The following NLGN1 variants were observed in gnomAD, a reference collection of about 807,000 sequenced individuals.
NLGN1 encodes neuroligin-1.
NLGN1 carries 12 observed loss-of-function variants against 65.5 expected under a neutral mutation model. That is an observed-to-expected ratio of 0.18 (90% CI 0.12 to 0.30). The LOEUF is 0.30. Ranked by LOEUF, NLGN1 falls within the 10% of genes least tolerant of loss-of-function variation. The probability of loss-of-function intolerance (pLI) is 1.00; values close to 1 mark genes in which losing one functional copy is unlikely to be tolerated. For synonymous variants in NLGN1, 350 were observed against 359.5 expected (o/e 0.97, Z 0.30); for missense variants, 750 against 1,007.1 (o/e 0.74, Z 3.46).
intron 2 of NLGN1, among the ~76,000 whole-genome samples, chr3:173,588,846 T>A (rs1747952776): frequency 6.6e-6 from 1 of 152,198 alleles, no homozygotes; most frequent in Admixed American, 6.5e-5. Flanking sequence ...TTATTTAATT[T>A]TCTTCCTATA....
chr3:174,171,240 T>C (rs998588058), intron 4 of NLGN1, among the ~76,000 whole-genome samples: 2 of 152,166 alleles, frequency 1.3e-5, no homozygotes, highest in Non-Finnish European at 2.9e-5. Context: ...AGGTGTCTAA[T>C]TGGTTGTTAT....
At chr3:173,723,569 T>C (rs1272643529) in intron 3 of NLGN1, among the ~76,000 whole-genome samples, 3 of 152,176 alleles carry the variant, frequency 2.0e-5, no homozygotes, top group Non-Finnish European at 4.4e-5. Context: ...ACTGAAGTGA[T>C]GACCAAGTTT....
chr3:174,170,150 G>T (rs1038977427), intron 4 of NLGN1, among the ~76,000 whole-genome samples: 9 of 151,690 alleles, frequency 5.9e-5, no homozygotes, highest in African/African-American at 1.9e-4. Flanking sequence ...CCACAGAGTT[G>T]ATCTTTATGT....
At chr3:173,421,127 A>G (rs914374733) in intron 1 of NLGN1, among the ~76,000 whole-genome samples, 1 of 152,126 alleles carries the variant, frequency 6.6e-6, no homozygotes, top group African/African-American at 2.4e-5. Context: ...AAATAACCTC[A>G]CACTCTTGAT....
chr3:173,701,431 G>A (rs541550931), intron 3 of NLGN1, among the ~76,000 whole-genome samples: 24 of 152,196 alleles, frequency 1.6e-4, no homozygotes, highest in Non-Finnish European at 7.4e-5. Context: ...ACAAGCCAAG[G>A]CATGTAAGCA....
At chr3:173,921,386 GT>G in intron 4 of NLGN1, among the ~76,000 whole-genome samples, 1 of 149,740 alleles carries the variant, frequency 6.7e-6, no homozygotes, top group African/African-American at 2.4e-5. Flanking sequence ...TATTTTTTCT[GT>G]GTTCAAGTTC....
intron 4 of NLGN1, among the ~76,000 whole-genome samples, chr3:173,848,664 T>G (rs1418133885): frequency 6.6e-6 from 1 of 152,212 alleles, no homozygotes; most frequent in Non-Finnish European, 1.5e-5. Flanking sequence ...ATAGTCCTTT[T>G]GGAATGTTGG....
At chr3:173,501,704 A>G (rs146663757) in intron 2 of NLGN1, among the ~76,000 whole-genome samples, 223 of 151,046 alleles carry the variant, frequency 1.5e-3, no homozygotes, top group Non-Finnish European at 2.8e-3. Flanking sequence ...TTCTCTACGT[A>G]TAGAATTTCT....
intron 4 of NLGN1, among the ~76,000 whole-genome samples, chr3:174,154,791 T>C (rs1725012587): frequency 6.7e-6 from 1 of 150,244 alleles, no homozygotes; most frequent in Admixed American, 6.7e-5. Context: ...GTATTTATAG[T>C]ATATATGTTG....
At chr3:173,471,482 C>T (rs1421095815) in intron 2 of NLGN1, among the ~76,000 whole-genome samples, 2 of 152,040 alleles carry the variant, frequency 1.3e-5, no homozygotes, top group African/African-American at 4.8e-5. Context: ...GTATGTAGCT[C>T]TGTGTCAAAA....
intron 4 of NLGN1, among the ~76,000 whole-genome samples, chr3:174,052,905 GTTCT>G (rs1435264182): frequency 2.6e-5 from 4 of 152,076 alleles, no homozygotes; most frequent in Non-Finnish European, 2.9e-5. Context: ...TAGCAACAAT[GTTCT>G]TTCTATCAAA....
intron 3 of NLGN1, among the ~76,000 whole-genome samples, chr3:173,769,479 A>G (rs904087362): frequency 5.3e-5 from 8 of 152,152 alleles, no homozygotes; most frequent in Admixed American, 5.2e-4. Context: ...TTACCTCAGG[A>G]ATCTTTCGAA....
intron 4 of NLGN1, among the ~76,000 whole-genome samples, chr3:174,045,536 A>T (rs1733369736): frequency 6.6e-6 from 1 of 152,208 alleles, no homozygotes; most frequent in East Asian, 1.9e-4. Flanking sequence ...TTGGGTGGAG[A>T]TACAGAGCCA....
rs191035094 is a variant in NLGN1 at position 174,210,407 on chromosome 3, T to C, written c.647-64908T>C. 5.2e-4 allele frequency among the ~76,000 whole-genome samples: 79 copies of C among 152,306 alleles called. 1 individual carries two copies. The highest frequency in any genetic ancestry group is 3.4e-3 in the Middle Eastern group (1 of 294). On this transcript the variant is annotated intron_variant, in intron 4 of 6. Transcript: ENST00000457714. ...ACAATATTTATACAACAAATATTTG[T>C]TGAATAAATAAATATGCCCTTCAAA...
chr3:173,835,248 A>C (rs1335470589), intron 4 of NLGN1, among the ~76,000 whole-genome samples: 2 of 152,162 alleles, frequency 1.3e-5, no homozygotes, highest in Non-Finnish European at 2.9e-5. Flanking sequence ...GGACTTTGAT[A>C]TATCGTGGTT....
At chr3:173,887,098 T>G (rs1734483149) in intron 4 of NLGN1, among the ~76,000 whole-genome samples, 1 of 152,062 alleles carries the variant, frequency 6.6e-6, no homozygotes, top group Admixed American at 6.6e-5. Context: ...AAGGTATAGC[T>G]TATTCCTCTC....
intron 2 of NLGN1, among the ~76,000 whole-genome samples, chr3:173,521,707 T>C (rs1012232277): frequency 2.0e-5 from 3 of 152,212 alleles, no homozygotes; most frequent in African/African-American, 7.2e-5. Context: ...ATGAAAATAC[T>C]CCTGTAGCAT....
chr3:173,872,088 C>A (rs1731282974), intron 4 of NLGN1, among the ~76,000 whole-genome samples: 1 of 151,934 alleles, frequency 6.6e-6, no homozygotes, highest in African/African-American at 2.4e-5. Context: ...GAGGGATGCA[C>A]TGGAAAGCAC....
intron 2 of NLGN1, among the ~76,000 whole-genome samples, chr3:173,544,471 A>G (rs1739428153): frequency 6.6e-6 from 1 of 152,140 alleles, no homozygotes; most frequent in Admixed American, 6.6e-5. Context: ...AAAGGACTCA[A>G]TAAGCACCCT....
Sources: allele counts gnomAD v4.1 joint callset (sites outside exome capture counted in the v4.1 genomes callset), GRCh38; gene constraint gnomAD v4.1.1; transcripts MANE v1.5; gene names NCBI Gene and HGNC (gene_info 2026-07-23, HGNC 2026-07-21).